The following SORL1 variants were observed in gnomAD, a reference collection of about 807,000 sequenced individuals.
SORL1 encodes the protein sortilin-related receptor.
In SORL1, 127 loss-of-function variants were observed where a neutral mutation model predicts 273.7. The ratio of observed to expected loss-of-function variants is 0.46; its 90% CI spans 0.40 to 0.54. SORL1 has a LOEUF of 0.54. SORL1 is among the 20% of genes least tolerant of loss of function. SORL1 has a pLI of 0.00. For missense variants in SORL1, 2,494 were observed against 2,846.1 expected, an observed-to-expected ratio of 0.88 and a Z score of 2.81; for synonymous variants, 1,031 against 1,067.4, an observed-to-expected ratio of 0.97 and a Z score of 0.66.
At chr11:121,598,374 A>G (rs946059109) in intron 32 of SORL1, among the ~76,000 whole-genome samples, 1 of 152,228 alleles carries the variant, frequency 6.6e-6, no homozygotes, top group Non-Finnish European at 1.5e-5. Context: ...GGTTTTCCCC[A>G]GGATGACAGT....
At chr11:121,490,148 C>T (rs1861530697) in intron 5 of SORL1, 38 bp downstream of exon 5, 6 of 1,403,756 alleles carry the variant, frequency 4.3e-6, no homozygotes, top group Admixed American at 1.7e-5. Flanking sequence ...ATATATGTAA[C>T]CTCCTTTCTC....
At chr11:121,543,027 CAA>C (rs553437379) in intron 12 of SORL1, among the ~76,000 whole-genome samples, 7 of 128,976 alleles carry the variant, frequency 5.4e-5, no homozygotes, top group Admixed American at 7.8e-5. Context: ...AATACAAATA[CAA>C]AAAAAAAAAA....
At chr11:121,497,645 T>G (rs948069358) in intron 6 of SORL1, among the ~76,000 whole-genome samples, 1 of 152,192 alleles carries the variant, frequency 6.6e-6, no homozygotes, top group African/African-American at 2.4e-5. Context: ...GCTTGCTCAT[T>G]CAAAACCAGA....
intron 11 of SORL1, among the ~76,000 whole-genome samples, chr11:121,524,607 G>C (rs1041710964): frequency 3.9e-5 from 6 of 152,232 alleles, no homozygotes; most frequent in African/African-American, 1.4e-4. Flanking sequence ...AGAGGCTGTA[G>C]TGGACAGAAT....
intron 21 of SORL1, 29 bp from the exon 22 acceptor site, chr11:121,566,911 C>A (rs1369529605): frequency 6.2e-7 from 1 of 1,602,678 alleles, no homozygotes; most frequent in South Asian, 1.1e-5. Flanking sequence ...GTGTATTAAC[C>A]TACCTGCTGC....
intron 21 of SORL1, among the ~76,000 whole-genome samples, chr11:121,561,898 G>A (rs918450787): frequency 9.9e-5 from 15 of 152,234 alleles, no homozygotes; most frequent in African/African-American, 2.6e-4. Context: ...CAAACACAGG[G>A]CTGGAGAAAG....
chr11:121,561,204 A>C (rs181895107), intron 21 of SORL1, among the ~76,000 whole-genome samples: 1 of 152,284 alleles, frequency 6.6e-6, no homozygotes, highest in Non-Finnish European at 1.5e-5. Flanking sequence ...TGCACACAGG[A>C]GCTTCTGAAA....
intron 1 of SORL1, among the ~76,000 whole-genome samples, chr11:121,453,243 T>C (rs964271274): frequency 3.9e-5 from 6 of 152,186 alleles, no homozygotes; most frequent in Non-Finnish European, 7.3e-5. Flanking sequence ...TAACTTTATT[T>C]TGGAGAGGAA....
intron 20 of SORL1, 118 bp downstream of exon 20, chr11:121,558,955 T>G (rs780429009): frequency 3.7e-6 from 5 of 1,337,182 alleles, no homozygotes; most frequent in Middle Eastern, 1.9e-4. Context: ...AGGTTGCCTT[T>G]TTTCCAAATT....
chr11:121,546,924 A>G (rs988128575), intron 14 of SORL1: 2 of 152,168 alleles, frequency 1.3e-5, no homozygotes, highest in African/African-American at 4.8e-5. Context: ...GTTTCCATCA[A>G]GCTCCCAAGA....
Position 121,579,143 on chromosome 11 carries a change from T to TA in SORL1, c.3580+1744dup, listed in dbSNP as rs1862978222. On this transcript the variant is annotated intron_variant, in intron 25 of 47. Coordinates refer to ENST00000260197, the MANE Select transcript of SORL1 (RefSeq NM_003105.6). ...TACTTCATTTCTATAGGCAAGCTTG[T>TA]ATAAACTCCTGGTTTTTTCTCTGAT... 2.6e-5 allele frequency among the ~76,000 whole-genome samples: 4 copies of TA among 152,328 alleles called. No individual in the cohort carries two copies. The South Asian group carries it at 8.3e-4, about 32-fold the overall frequency.
intron 38 of SORL1, chr11:121,610,835 A>C: frequency 4.9e-6 from 2 of 407,400 alleles, no homozygotes; most frequent in East Asian, 8.7e-5. Context: ...TTTCTGCCTG[A>C]CCTAATTGCC....
rs185625693 is a variant in SORL1, at chr11:121,604,386, G to A, written c.4651+62G>A. ...GGGCTGGGAGGCTCGCTTACCCCAGGGCCCCTCCTGTGTAGACCTTGAGCT... is the reference window on the plus strand; with the variant it reads ...GGGCTGGGAGGCTCGCTTACCCCAGAGCCCCTCCTGTGTAGACCTTGAGCT... On this transcript the variant is annotated intron_variant, in intron 33 of 47. Transcript: ENST00000260197. 2.7e-5 allele frequency: 43 copies of A among 1,588,904 alleles called. No individual in the cohort carries two copies. The South Asian group carries it at 3.7e-4, about 14-fold the overall frequency.
chr11:121,456,676 T>G (rs1171963851), intron 1 of SORL1, among the ~76,000 whole-genome samples: 1 of 152,206 alleles, frequency 6.6e-6, no homozygotes, highest in Admixed American at 6.5e-5. Context: ...AATGGTATTG[T>G]TTTGGGGAAA....
In SORL1 at chr11:121,553,924, G is replaced by A; in HGVS notation, c.2267-13G>A. 2 of 1,609,030 alleles carry A rather than the reference G, an allele frequency of 1.2e-6. No homozygotes were observed. Among genetic ancestry groups the A allele is most frequent in the Non-Finnish European group, 1.7e-6 (2 of 1,176,600 alleles). On this transcript the variant is annotated splice_polypyrimidine_tract_variant and intron_variant, in intron 16 of 47. Transcript: ENST00000260197. ...CTGGGTCCAACCTCCCACGTGTCTT[G>A]TGTGTCTGGCAGAAGAGAACGAGTT...
At chr11:121,580,265 C>G (rs913946139) in intron 25 of SORL1, among the ~76,000 whole-genome samples, 2 of 152,146 alleles carry the variant, frequency 1.3e-5, no homozygotes, top group African/African-American at 4.8e-5. Flanking sequence ...TACTCTAAGC[C>G]ATTCGTTGGA....
intron 24 of SORL1, chr11:121,576,776 T>C: frequency 1.3e-6 from 2 of 1,488,738 alleles, no homozygotes; most frequent in Non-Finnish European, 1.8e-6. Flanking sequence ...AGTCCCGAGT[T>C]ATGTTTCCTC....
At position 121,545,327 on chromosome 11, in the gene SORL1, T is replaced by C. The variant is rs1862409531; in HGVS notation, c.1949T>C (p.Val650Ala). Residue 650 changes from valine to alanine, a missense_variant, in exon 14 of 48, where the codon GTT (valine) becomes GCT (alanine). By Grantham distance (64) the Val-to-Ala change is moderately conservative (BLOSUM62 0). Transcript: ENST00000260197. ...GAGTGTTTGCTGGGACACAAGACTG[T>C]TTTCAAACGGCGGACCCCCCATGCC... Reference protein sequence around the residue: ...GNECLLGHKTVFKRRTPHATC... With the variant: ...GNECLLGHKTAFKRRTPHATC... 3.1e-6 allele frequency: 5 copies of C among 1,614,106 alleles called. No individual in the cohort carries two copies. The East Asian group carries it at 8.9e-5, about 29-fold the overall frequency.
chr11:121,543,219 A>G (rs1392376763), intron 12 of SORL1, among the ~76,000 whole-genome samples: 1 of 151,822 alleles, frequency 6.6e-6, no homozygotes. Context: ...AAAGAAAAAA[A>G]TTTCTCTTTT....
Sources: gnomAD v4.1 joint callset for allele counts (sites outside exome capture counted in the v4.1 genomes callset) on GRCh38, gnomAD v4.1.1 for gene constraint, MANE v1.5 for transcripts, NCBI Gene and HGNC (gene_info 2026-07-23, HGNC 2026-07-21) for gene names.